IL23R: variants seen among roughly 807,000 people sequenced by gnomAD.
The protein encoded by IL23R is interleukin 23 receptor, also known as interleukin-23 receptor.
In IL23R, 34 loss-of-function variants were observed where a neutral mutation model predicts 56.9. That is an observed-to-expected ratio of 0.60 (90% CI 0.45 to 0.80). The LOEUF (loss-of-function observed/expected upper bound fraction) is 0.80, where lower values mean the gene tolerates loss of function less well. Ranked by LOEUF, IL23R falls within the 30% of genes least tolerant of loss-of-function variation. IL23R has a pLI of 0.00. For missense variants in IL23R, 635 were observed against 730.0 expected (o/e 0.87, Z 1.50); for synonymous variants, 230 against 249.2 (o/e 0.92, Z 0.73).
rs140573886 is a variant in IL23R at position 67,213,732 on chromosome 1, C to T, written c.799-5842C>T. On this transcript the variant is annotated intron_variant, in intron 6 of 10. Transcript: ENST00000347310. ...TATACCACCCAGGTTTGTGTAATTA[C>T]AATCTATGATGTTCGTACAATGATG... Among the ~76,000 whole-genome samples, 370 of 152,312 alleles carry T rather than the reference C, an allele frequency of 2.4e-3. 2 individuals carry two copies. Among genetic ancestry groups the T allele is most frequent in the African/African-American group, 8.4e-3 (349 of 41,570 alleles).
chr1:67,138,944 G>T (rs1178368676), exon 1 of IL23R: 1 of 152,324 alleles, frequency 6.6e-6, no homozygotes, highest in South Asian at 2.1e-4. Flanking sequence ...ATTTTATTCC[G>T]GGACTTTGAG....
At chr1:67,226,473 C>T (rs1331592367) in intron 7 of IL23R, among the ~76,000 whole-genome samples, 1 of 152,138 alleles carries the variant, frequency 6.6e-6, no homozygotes, top group African/African-American at 2.4e-5. Flanking sequence ...CTGATCGTCC[C>T]CAGGGGAACT....
intron 7 of IL23R, among the ~76,000 whole-genome samples, chr1:67,234,870 G>A (rs1651365721): frequency 6.6e-6 from 1 of 151,848 alleles, no homozygotes; most frequent in Non-Finnish European, 1.5e-5. Flanking sequence ...ACCATGCCTG[G>A]CTAATTTTTG....
chr1:67,200,778 A>G lies in IL23R; in HGVS notation c.533A>G (p.Tyr178Cys). Residue 178 changes from tyrosine to cysteine, a missense_variant, in exon 5 of 11, where the codon TAT (tyrosine) becomes TGT (cysteine). Transcript: ENST00000347310. ...EEEQQYLTSS[Y>C]INISTDSLQG... The stretch of plus-strand genomic sequence containing the variant: ...GAGCAACAGTATCTCACCTCAAGCT[A>G]TATTAACATCTCCACTGATTCATTA... 1 of 1,614,052 alleles carries G rather than the reference A, an allele frequency of 6.2e-7. No individual in the cohort carries two copies.
intron 1 of IL23R, among the ~76,000 whole-genome samples, chr1:67,153,773 C>CT (rs34129656): frequency 1.3e-3 from 187 of 149,578 alleles, no homozygotes; most frequent in Middle Eastern, 3.5e-3. Context: ...AGTTTCTTTT[C>CT]TTTTTTTTTT....
intron 1 of IL23R, among the ~76,000 whole-genome samples, chr1:67,149,352 A>G (rs1458363673): frequency 1.3e-5 from 2 of 152,176 alleles, no homozygotes; most frequent in Admixed American, 6.5e-5. Flanking sequence ...CAGGAGGCGG[A>G]GAGTGACACC....
intron 9 of IL23R, among the ~76,000 whole-genome samples, chr1:67,248,197 C>T (rs1652369563): frequency 6.6e-6 from 1 of 152,160 alleles, no homozygotes; most frequent in Non-Finnish European, 1.5e-5. Context: ...GGATAATATC[C>T]TGAAATGTGT....
At chr1:67,208,110 G>A (rs568222312) in intron 6 of IL23R, among the ~76,000 whole-genome samples, 6 of 152,328 alleles carry the variant, frequency 3.9e-5, no homozygotes, top group Non-Finnish European at 8.8e-5. Context: ...CTTTGAACTC[G>A]AAAGATGATT....
intron 2 of IL23R, among the ~76,000 whole-genome samples, chr1:67,168,411 TACTC>T (rs1401369479): frequency 1.1e-4 from 16 of 152,230 alleles, no homozygotes; most frequent in African/African-American, 3.6e-4. Flanking sequence ...ACAGCCCTCT[TACTC>T]ACATGTGGAT....
chr1:67,185,177 T>C (rs1377516470), intron 4 of IL23R, among the ~76,000 whole-genome samples: 3 of 152,336 alleles, frequency 2.0e-5, no homozygotes, highest in East Asian at 1.9e-4. Context: ...ATTTTTCCCA[T>C]TTGTATAGAC....
intron 9 of IL23R, among the ~76,000 whole-genome samples, chr1:67,242,186 TTC>T (rs1241117663): frequency 1.3e-5 from 2 of 152,198 alleles, no homozygotes; most frequent in Non-Finnish European, 2.9e-5. Context: ...CCTGGCAATG[TTC>T]TCTTTAGCCC....
At chr1:67,153,162 C>T (rs113039100) in intron 1 of IL23R, among the ~76,000 whole-genome samples, 3 of 152,202 alleles carry the variant, frequency 2.0e-5, no homozygotes, top group African/African-American at 7.2e-5. Context: ...TGACTTCTTC[C>T]TAGTTTAGTT....
Position 67,259,304 on chromosome 1 carries a change from G to C in IL23R, c.*176G>C. The C allele has an allele frequency of 1.5e-6, 1 of 650,622 alleles. No homozygotes were observed. The highest frequency in any genetic ancestry group is 2.7e-6 in the Non-Finnish European group (1 of 373,270). 40.3% of individuals were successfully genotyped at this position (650,622 alleles called of 1,614,324 possible). On this transcript the variant is annotated 3_prime_UTR_variant, in exon 11 of 11. Transcript: ENST00000347310. The stretch of plus-strand genomic sequence containing the variant: ...AAATACCTAGGTAGGGGATTGCTGG[G>C]CCATATGATAAGCATATGTTTCAGT...
rs1447419172 is a variant in IL23R at position 67,259,296 on chromosome 1, A to G, written c.*168A>G. ...CCTTGGATAAATACCTAGGTAGGGGATTGCTGGGCCATATGATAAGCATAT... is the reference window on the plus strand; with the variant it reads ...CCTTGGATAAATACCTAGGTAGGGGGTTGCTGGGCCATATGATAAGCATAT... On this transcript the variant is annotated 3_prime_UTR_variant, in exon 11 of 11. Coordinates refer to ENST00000347310, the MANE Select transcript of IL23R (RefSeq NM_144701.3). The G allele has an allele frequency of 1.9e-5, 13 of 676,914 alleles. No individual in the cohort carries two copies. In the Middle Eastern group the frequency reaches 7.4e-4, roughly 39 times the overall value. 41.9% of individuals were successfully genotyped at this position (676,914 alleles called of 1,614,324 possible).
At chr1:67,152,926 C>T (rs1380481076) in intron 1 of IL23R, among the ~76,000 whole-genome samples, 1 of 152,134 alleles carries the variant, frequency 6.6e-6, no homozygotes, top group Non-Finnish European at 1.5e-5. Context: ...TGTTGTGTCT[C>T]TGCCAGGTTT....
chr1:67,205,497 A>C (rs900751215), intron 5 of IL23R, among the ~76,000 whole-genome samples: 1 of 152,226 alleles, frequency 6.6e-6, no homozygotes, highest in Admixed American at 6.5e-5. Context: ...ATAGGTTTTC[A>C]TTGTTCCTTA....
At chr1:67,151,748 A>G (rs937462268) in intron 1 of IL23R, among the ~76,000 whole-genome samples, 1 of 152,160 alleles carries the variant, frequency 6.6e-6, no homozygotes, top group African/African-American at 2.4e-5. Flanking sequence ...TTTGTCGAAG[A>G]TCAGATGGTT....
intron 4 of IL23R, among the ~76,000 whole-genome samples, chr1:67,184,906 C>A (rs1408190473): frequency 1.3e-5 from 2 of 152,030 alleles, no homozygotes; most frequent in Admixed American, 6.6e-5. Context: ...AGGGTAAAGC[C>A]CTCATGGATG....
chr1:67,246,884 G>A (rs574962879), intron 9 of IL23R, among the ~76,000 whole-genome samples: 19 of 152,136 alleles, frequency 1.2e-4, no homozygotes, highest in African/African-American at 3.6e-4. Context: ...TTTCTGTCTC[G>A]CTGATCTGTC....
Sources: gnomAD v4.1 joint callset for allele counts (sites outside exome capture counted in the v4.1 genomes callset) on GRCh38, gnomAD v4.1.1 for gene constraint, MANE v1.5 for transcripts, NCBI Gene and HGNC (gene_info 2026-07-23, HGNC 2026-07-21) for gene names.